KRIT1: variants seen among roughly 807,000 people sequenced by gnomAD.
KRIT1 encodes krev interaction trapped protein 1.
Under a neutral mutation model 95.8 loss-of-function variants are expected in KRIT1, and 45 were observed. The ratio of observed to expected loss-of-function variants is 0.47; its 90% confidence interval spans 0.37 to 0.60. The LOEUF is 0.60. KRIT1 is among the 20% of genes least tolerant of loss of function. The pLI is 0.00. For missense variants in KRIT1, 788 were observed against 877.5 expected (o/e 0.90, Z 1.29); for synonymous variants, 282 against 278.8 (o/e 1.01, Z -0.11).
intron 12 of KRIT1, among the ~76,000 whole-genome samples, chr7:92,223,316 GCACCTGTAGTC>G (rs1393832098): frequency 1.5e-4 from 22 of 150,166 alleles, no homozygotes; most frequent in Admixed American, 4.0e-4. Flanking sequence ...GTGGTGGCAG[GCACCTGTAGTC>G]CCAGCTACTA....
At chr7:92,219,171 T>A (rs1794621484) in intron 14 of KRIT1, among the ~76,000 whole-genome samples, 1 of 152,146 alleles carries the variant, frequency 6.6e-6, no homozygotes, top group South Asian at 2.1e-4. Flanking sequence ...TGGCTAATTT[T>A]TTGTATTTTT....
intron 3 of KRIT1, 59 bp from the exon 4 acceptor site, chr7:92,242,196 A>G (rs907459653): frequency 4.2e-5 from 41 of 983,748 alleles, no homozygotes; most frequent in Admixed American, 2.8e-4. Context: ...TGATGGCAAG[A>G]TAAAAAAAAG....
chr7:92,203,137 C>A (rs17164431), intron 17 of KRIT1, among the ~76,000 whole-genome samples: 3 of 152,040 alleles, frequency 2.0e-5, no homozygotes, highest in Non-Finnish European at 4.4e-5. Flanking sequence ...ACAACTGACA[C>A]AAAAAACACA....
At chr7:92,206,009 A>G (rs1791399785) in intron 17 of KRIT1, 1 of 152,678 alleles carries the variant, frequency 6.5e-6, no homozygotes, top group African/African-American at 2.4e-5. Context: ...GCCTGCCACC[A>G]GCACCTGCAA....
Position 92,226,624 on chromosome 7 carries a change from G to C in KRIT1, c.1048C>G (p.Leu350Val). The C allele has an allele frequency of 1.2e-6, 2 of 1,613,046 alleles. No homozygotes were observed. Residue 350 changes from leucine to valine, a missense_variant, in exon 11 of 19, where the codon CTT (leucine) becomes GTT (valine). Coordinates refer to ENST00000394505, the MANE Select transcript of KRIT1 (RefSeq NM_194454.3). The part of the protein sequence containing the change: ...LLEKGKCNPN[L>V]LNGQLSSPLH... The stretch of plus-strand genomic sequence containing the variant: ...GGAGAACTAAGTTGTCCATTTAAAA[G>C]GTTTGGATTGCACTTTCCTTTCTCT...
At chr7:92,222,607 A>C (rs1795357285) in intron 13 of KRIT1, among the ~76,000 whole-genome samples, 2 of 152,192 alleles carry the variant, frequency 1.3e-5, no homozygotes, top group Non-Finnish European at 2.9e-5. Context: ...TTTGTTTTTT[A>C]ATTATTAAAA....
chr7:92,216,233 A>C (rs932693775), intron 14 of KRIT1, among the ~76,000 whole-genome samples: 11 of 151,220 alleles, frequency 7.3e-5, no homozygotes, highest in Admixed American at 7.2e-4. Context: ...CATCTCAAAA[A>C]AAAAAAAAAA....
intron 17 of KRIT1, chr7:92,204,000 A>C (rs1790801680): frequency 6.5e-6 from 1 of 152,800 alleles, no homozygotes; most frequent in Non-Finnish European, 1.5e-5. Flanking sequence ...TGTGAGGCTA[A>C]GGTGGGAGAA....
intron 10 of KRIT1, 111 bp from the exon 11 acceptor site, chr7:92,226,793 T>G: frequency 1.1e-6 from 1 of 948,084 alleles, no homozygotes; most frequent in Non-Finnish European, 1.6e-6. Flanking sequence ...CAAAGAAATC[T>G]AAGAATTTTC....
downstream of KRIT1, chr7:92,199,392 A>C (rs1789739977): frequency 1.3e-5 from 2 of 152,252 alleles, no homozygotes; most frequent in Admixed American, 6.5e-5. Context: ...GACAACTTTA[A>C]ATATGACTAT....
intron 11 of KRIT1, 77 bp from the exon 12 acceptor site, chr7:92,225,904 T>C (rs1796117216): frequency 5.1e-6 from 4 of 786,918 alleles, no homozygotes; most frequent in South Asian, 2.8e-5. Flanking sequence ...ATCCAATTAA[T>C]CACAGTTTCA....
At chr7:92,213,794 A>T in intron 16 of KRIT1, 98 bp downstream of exon 16, 1 of 761,920 alleles carries the variant, frequency 1.3e-6, no homozygotes, top group Non-Finnish European at 2.4e-6. Flanking sequence ...TAATTTCAGG[A>T]CTATAAATTT....
intron 17 of KRIT1, chr7:92,202,250 T>C (rs1790348450): frequency 6.6e-6 from 1 of 152,214 alleles, no homozygotes; most frequent in Admixed American, 6.5e-5. Flanking sequence ...TTTTTAAGGA[T>C]AGTCAAGTGA....
At chr7:92,237,617 A>G (rs374463102) in intron 6 of KRIT1, 50 bp downstream of exon 6, 97 of 1,049,220 alleles carry the variant, frequency 9.2e-5, no homozygotes, top group Non-Finnish European at 6.9e-5. Context: ...ATAGACCTTT[A>G]CTTAGCATCT....
At chr7:92,219,578 A>G (rs192527730) in intron 14 of KRIT1, among the ~76,000 whole-genome samples, 1 of 152,158 alleles carries the variant, frequency 6.6e-6, no homozygotes, top group Admixed American at 6.5e-5. Flanking sequence ...AGTAATGTCA[A>G]TCTCTCAACT....
chr7:92,216,798 C>G (rs1208177233), intron 14 of KRIT1, among the ~76,000 whole-genome samples: 1 of 152,104 alleles, frequency 6.6e-6, no homozygotes, highest in African/African-American at 2.4e-5. Flanking sequence ...GAATGAAAGC[C>G]TATTTTCTAA....
At chr7:92,241,916 G>T (rs757419520) in intron 4 of KRIT1, 118 bp downstream of exon 4, 3 of 665,880 alleles carry the variant, frequency 4.5e-6, no homozygotes, top group Non-Finnish European at 7.9e-6. Context: ...AATGGGCAGA[G>T]ACCTAAAATA....
intron 4 of KRIT1, 90 bp downstream of exon 4, chr7:92,241,944 A>G (rs1319354099): frequency 1.3e-6 from 1 of 792,792 alleles, no homozygotes; most frequent in Non-Finnish European, 2.2e-6. Flanking sequence ...TGTTAATACA[A>G]CTTTACAAGA....
At chr7:92,201,239 CT>C (rs1320642855) in intron 18 of KRIT1, 67 bp downstream of exon 18, 1 of 824,688 alleles carries the variant, frequency 1.2e-6, no homozygotes, top group Admixed American at 1.8e-5. Context: ...ATGGATGTCA[CT>C]TTTTTAAAAA....
Sources: allele counts gnomAD v4.1 joint callset (sites outside exome capture counted in the v4.1 genomes callset), GRCh38; gene constraint gnomAD v4.1.1; transcripts MANE v1.5; gene names NCBI Gene and HGNC (gene_info 2026-07-23, HGNC 2026-07-21).